Variants in CLIP2 observed in about 807,000 individuals in gnomAD.
The protein encoded by CLIP2 is CAP-Gly domain containing linker protein 2.
Under a neutral mutation model 111.7 loss-of-function variants are expected in CLIP2, and 41 were observed. That is an observed-to-expected ratio of 0.37 (90% confidence interval 0.29 to 0.48). The LOEUF (loss-of-function observed/expected upper bound fraction) is 0.48. Among genes scored for constraint, CLIP2 ranks in the 20% least tolerant of loss-of-function variants. The pLI, the probability that CLIP2 is intolerant of heterozygous loss-of-function variation, is 0.99. For synonymous variants in CLIP2, 660 were observed against 644.2 expected, an observed-to-expected ratio of 1.02 and a Z score of -0.37; for missense variants, 1,160 against 1,422.1, an observed-to-expected ratio of 0.82 and a Z score of 2.96.
chr7:74,352,588 G>A (rs1307122045), intron 3 of CLIP2, among the ~76,000 whole-genome samples: 2 of 151,866 alleles, frequency 1.3e-5, no homozygotes, highest in Middle Eastern at 3.4e-3. Context: ...CTGCAATCCT[G>A]GAGTCAGATC....
rs373540366 is a variant in CLIP2, at chr7:74,324,259, C to T, written c.121+6592C>T. On this transcript the variant is annotated intron_variant, in intron 2 of 16. Transcript: ENST00000223398. ...CTCCCGCCTCGGCCTCCCAAAGTGC[C>T]GGGATTCCAGGTGTGAGCCCCCGTT... 2.8e-3 allele frequency among the ~76,000 whole-genome samples: 430 copies of T among 152,236 alleles called. 2 individuals are homozygous for T. The highest frequency in any genetic ancestry group is 3.9e-3 in the Non-Finnish European group (266 of 68,004).
intron 3 of CLIP2, among the ~76,000 whole-genome samples, chr7:74,343,105 T>C (rs1220736984): frequency 6.6e-6 from 1 of 150,842 alleles, no homozygotes; most frequent in Non-Finnish European, 1.5e-5. Context: ...GGAGAATTGC[T>C]TGAACTCAGG....
chr7:74,338,820 C>T lies in CLIP2; in HGVS notation c.494C>T (p.Thr165Ile). The T allele has an allele frequency of 1.9e-6, 3 of 1,611,296 alleles. No individual in the cohort carries two copies. Among genetic ancestry groups the T allele is most frequent in the Non-Finnish European group, 2.5e-6 (3 of 1,179,906 alleles). The change falls in exon 3 of 17, where the codon ACT becomes ATT. Residue 165 changes from threonine (T) to isoleucine (I), a missense_variant. This residue lies in a region of CLIP2 where 301 missense variants were observed against 315.2 expected (regional missense o/e 0.96). Transcript: ENST00000223398. The surrounding 1 kb of genome is among the most constrained non-coding windows in gnomAD (Gnocchi z 4.3). ...GATGCCCACTCCGTGGAGTCGCTGA[C>T]TGCCCAGAACCTGTCATTGCATTCG... The part of the protein sequence containing the change: ...GSDAHSVESL[T>I]AQNLSLHSGT...
At chr7:74,390,452 T>C (rs953875850) in intron 13 of CLIP2, among the ~76,000 whole-genome samples, 4 of 151,988 alleles carry the variant, frequency 2.6e-5, no homozygotes, top group Non-Finnish European at 5.9e-5. Flanking sequence ...GGAGGATCAC[T>C]TGAGCCAAGG....
chr7:74,395,236 C>T lies in CLIP2; in HGVS notation c.2721-1838C>T, dbSNP rs573877160. The stretch of plus-strand genomic sequence containing the variant: ...GTGCAGTGGCGCAATCTTGGCTCAC[C>T]GCAACCTCTGCCTCCTGGGTTCAAG... On this transcript the variant is annotated intron_variant, in intron 13 of 16. Coordinates refer to ENST00000223398, the MANE Select transcript of CLIP2 (RefSeq NM_003388.5). 7.9e-5 allele frequency among the ~76,000 whole-genome samples: 12 copies of T among 151,908 alleles called. 1 individual carries two copies. In the South Asian group the frequency reaches 1.9e-3, roughly 24 times the overall value.
chr7:74,329,107 T>TA (rs1789204431), intron 2 of CLIP2, among the ~76,000 whole-genome samples: 3 of 147,558 alleles, frequency 2.0e-5, no homozygotes, highest in African/African-American at 7.5e-5. Flanking sequence ...TTTTTTTTTT[T>TA]AGTAGAGACG....
chr7:74,332,439 C>G (rs1416076899), intron 2 of CLIP2, among the ~76,000 whole-genome samples: 6 of 148,732 alleles, frequency 4.0e-5, no homozygotes, highest in African/African-American at 1.2e-4. Context: ...GGGATCATGC[C>G]TCACTGCAGC....
At chr7:74,352,100 T>A (rs536708760) in intron 3 of CLIP2, among the ~76,000 whole-genome samples, 6 of 152,212 alleles carry the variant, frequency 3.9e-5, no homozygotes, top group African/African-American at 1.4e-4. Context: ...AGATTTAGAC[T>A]ATTGAAAGAG....
chr7:74,392,067 C>T (rs563084194), intron 13 of CLIP2, among the ~76,000 whole-genome samples: 3 of 151,604 alleles, frequency 2.0e-5, no homozygotes, highest in Admixed American at 6.6e-5. Context: ...AATAGCTGGG[C>T]GTGGCTGGGC....
intron 11 of CLIP2, among the ~76,000 whole-genome samples, chr7:74,384,176 T>C (rs1043851358): frequency 6.6e-6 from 1 of 151,792 alleles, no homozygotes; most frequent in Admixed American, 6.6e-5. Flanking sequence ...GGTGACAGAG[T>C]GAGACTCCAT....
rs549991246 is a variant in CLIP2, at chr7:74,379,633, G to A, written c.2422-1173G>A. 1.2e-3 allele frequency among the ~76,000 whole-genome samples: 175 copies of A among 151,910 alleles called. 1 individual carries two copies. The highest frequency in any genetic ancestry group is 6.8e-3 in the Middle Eastern group (2 of 292). On this transcript the variant is annotated intron_variant, in intron 10 of 16. Coordinates refer to ENST00000223398, the MANE Select transcript of CLIP2 (RefSeq NM_003388.5). ...CAAAAAATTAGCCGGGCATGGTGGC[G>A]GGCGCCTGTAGTCCCAGCTACTCGG...
At chr7:74,318,177 G>A (rs1484327529) in intron 2 of CLIP2, among the ~76,000 whole-genome samples, 1 of 151,932 alleles carries the variant, frequency 6.6e-6, no homozygotes, top group African/African-American at 2.4e-5. Flanking sequence ...AGTATTCCAA[G>A]TAGAGGGAAC....
intron 2 of CLIP2, among the ~76,000 whole-genome samples, chr7:74,324,708 G>A (rs1789064419): frequency 6.6e-6 from 1 of 151,984 alleles, no homozygotes. Context: ...CTCCCAGGCT[G>A]GGGAAGGAGG....
At chr7:74,328,393 C>T (rs1458044897) in intron 2 of CLIP2, among the ~76,000 whole-genome samples, 2 of 152,100 alleles carry the variant, frequency 1.3e-5, no homozygotes, top group Admixed American at 6.6e-5. Context: ...CACCAGGAAG[C>T]GGGAGTCAGG....
chr7:74,404,000 C>G lies in CLIP2; in HGVS notation c.*152C>G, dbSNP rs1791697015. ...GTACTCACCGCCGCGGACAATCCCC[C>G]ACCCCGATCCCTCGCCAGACCAGGA... On this transcript the variant is annotated 3_prime_UTR_variant, in exon 17 of 17. Transcript: ENST00000223398. 1.2e-6 allele frequency: 1 copy of G among 824,346 alleles called. No individual in the cohort carries two copies. The highest frequency in any genetic ancestry group is 1.7e-5 in the African/African-American group (1 of 60,024). The allele number at this position is 824,346 out of a possible 1,614,324, so 51.1% of individuals were successfully genotyped here.
In CLIP2 at chr7:74,376,589, C is replaced by T. The variant is rs1554312939; in HGVS notation, c.2188C>T (p.Leu730=). ...EAQDQRRDAE[L]RVHELEKLDV... is the part of the protein sequence containing the mutation. ...CCAGGACCAGCGCCGGGATGCCGAG[C>T]TGCGTGTGCACGAGCTGGAAAAACT... Residue 730 remains leucine, a synonymous_variant, in exon 10 of 17, where the codon CTG becomes TTG. Coordinates refer to ENST00000223398, the MANE Select transcript of CLIP2 (RefSeq NM_003388.5). The surrounding 1 kb of genome is among the most constrained non-coding windows in gnomAD (Gnocchi z 7.1). The T allele has an allele frequency of 6.2e-7, 1 of 1,612,088 alleles. No individual in the cohort carries two copies.
At chr7:74,373,739 C>T (rs576052929) in intron 9 of CLIP2, among the ~76,000 whole-genome samples, 1 of 152,104 alleles carries the variant, frequency 6.6e-6, no homozygotes, top group Non-Finnish European at 1.5e-5. Flanking sequence ...TGATCCATGT[C>T]TCCTGTCTCC....
In CLIP2 at chr7:74,376,322, G is replaced by A. The variant is rs782748615; in HGVS notation, c.1921G>A (p.Ala641Thr). 63 of 1,613,900 alleles carry A rather than the reference G, an allele frequency of 3.9e-5. No individual in the cohort carries two copies. Among genetic ancestry groups the A allele is most frequent in the Non-Finnish European group, 4.9e-5 (58 of 1,180,008 alleles). The change falls in exon 10 of 17, where the codon GCC becomes ACC. Residue 641 changes from alanine to threonine, a missense_variant. Ala to Thr is a moderately conservative substitution (Grantham distance 58). Around this residue, in one of 5 missense-constraint regions of CLIP2, gnomAD observed 676 missense variants for 777.8 expected, o/e 0.87. Coordinates refer to ENST00000223398, the MANE Select transcript of CLIP2 (RefSeq NM_003388.5). The surrounding 1 kb of genome is among the most constrained non-coding windows in gnomAD (Gnocchi z 7.1). ...LKATLNSGPG[A>T]QQKEIGELKA... Reference sequence around the variant, plus strand: ...AGCCACCCTGAACTCGGGCCCAGGCGCCCAGCAGAAGGAGATCGGCGAGCT... The same window carrying A: ...AGCCACCCTGAACTCGGGCCCAGGCACCCAGCAGAAGGAGATCGGCGAGCT...
At chr7:74,347,559 C>T (rs1191871839) in intron 3 of CLIP2, among the ~76,000 whole-genome samples, 3 of 152,250 alleles carry the variant, frequency 2.0e-5, no homozygotes, top group South Asian at 2.1e-4. Flanking sequence ...TGAGCCACCG[C>T]GTCCGGCCAA....
Sources: allele counts gnomAD v4.1 joint callset (sites outside exome capture counted in the v4.1 genomes callset), GRCh38; gene constraint gnomAD v4.1.1; regional missense constraint gnomAD v4.1.1; non-coding constraint Gnocchi (gnomAD v3.1); transcripts MANE v1.5; gene names NCBI Gene and HGNC (gene_info 2026-07-23, HGNC 2026-07-21).